EPHA4: variants seen among roughly 807,000 people sequenced by gnomAD.
EPHA4 encodes EPH receptor A4.
A neutral mutation model predicts 108.3 loss-of-function variants in EPHA4; 19 were observed. That is an observed-to-expected ratio of 0.18 (90% CI 0.12 to 0.26). EPHA4 has a LOEUF of 0.26. Among genes scored for constraint, EPHA4 ranks in the 10% least tolerant of loss-of-function variants. EPHA4 has a pLI of 1.00. For synonymous variants in EPHA4, 449 were observed against 455.5 expected (o/e 0.99, Z 0.18); for missense variants, 917 against 1,254.0 (o/e 0.73, Z 4.06).
intron 3 of EPHA4, among the ~76,000 whole-genome samples, chr2:221,516,631 G>A (rs1357083351): frequency 6.6e-6 from 1 of 152,106 alleles, no homozygotes; most frequent in Non-Finnish European, 1.5e-5. Flanking sequence ...GGATCACAGG[G>A]GTGAGCCACC....
At chr2:221,430,829 T>C (rs1690052538) in intron 14 of EPHA4, among the ~76,000 whole-genome samples, 1 of 152,196 alleles carries the variant, frequency 6.6e-6, no homozygotes, top group African/African-American at 2.4e-5. Context: ...AATTCCTTCT[T>C]TTGGGGCATT....
At chr2:221,473,368 T>C (rs1310179863) in intron 5 of EPHA4, among the ~76,000 whole-genome samples, 2 of 152,082 alleles carry the variant, frequency 1.3e-5, no homozygotes, top group Non-Finnish European at 2.9e-5. Flanking sequence ...GAAGAAAATA[T>C]ACAGGATACC....
At chr2:221,444,411 G>A (rs188128574) in intron 9 of EPHA4, among the ~76,000 whole-genome samples, 1 of 152,224 alleles carries the variant, frequency 6.6e-6, no homozygotes, top group Non-Finnish European at 1.5e-5. Context: ...TCCTGGAGCT[G>A]TTGGGGCACT....
intron 3 of EPHA4, among the ~76,000 whole-genome samples, chr2:221,529,126 ATAGTC>A (rs1693424104): frequency 6.6e-6 from 1 of 152,184 alleles, no homozygotes; most frequent in Admixed American, 6.5e-5. Flanking sequence ...CTTTACTGCA[ATAGTC>A]TATTCTTTCT....
intron 8 of EPHA4, among the ~76,000 whole-genome samples, chr2:221,449,279 T>C (rs181633415): frequency 3.2e-4 from 49 of 152,286 alleles, no homozygotes; most frequent in African/African-American, 1.2e-3. Flanking sequence ...TGTGGCCCAT[T>C]ATCATCCCAG....
Position 221,543,586 on chromosome 2 carries a change from G to A in EPHA4, c.823+20145C>T, listed in dbSNP as rs1404906969. Among the ~76,000 whole-genome samples, 3 of 152,172 alleles carry A rather than the reference G, an allele frequency of 2.0e-5. No homozygotes were observed. The East Asian group carries it at 5.8e-4, about 29-fold the overall frequency. ...TCAACATGGCTCTAAGCCATATTTAGTTACCTTACTAAGAAAGGCTTTCTA... is the reference window on the plus strand; with the variant it reads ...TCAACATGGCTCTAAGCCATATTTAATTACCTTACTAAGAAAGGCTTTCTA... On this transcript the variant is annotated intron_variant, in intron 3 of 17. Coordinates refer to ENST00000281821, the MANE Select transcript of EPHA4 (RefSeq NM_004438.5).
At position 221,425,911 on chromosome 2, in the gene EPHA4, T is replaced by A; in HGVS notation, c.*117A>T. The A allele has an allele frequency of 2.3e-6, 2 of 863,396 alleles. No individual in the cohort carries two copies. The highest frequency in any genetic ancestry group is 3.2e-5 in the South Asian group (2 of 62,242). The allele number at this position is 863,396 out of a possible 1,614,324, so 53.5% of individuals were successfully genotyped here. A position where few individuals can be genotyped will look rare whatever the true frequency, so the allele number is the denominator to read the frequency against. ...GCAACGCTGCAGATATTGTTTTTTT[T>A]TTTCATTTCTTTAATTTCAGAGGGC... On this transcript the variant is annotated 3_prime_UTR_variant, in exon 17 of 18. Transcript: ENST00000281821.
At chr2:221,443,229 C>T (rs369967467) in intron 10 of EPHA4, among the ~76,000 whole-genome samples, 8 of 151,690 alleles carry the variant, frequency 5.3e-5, no homozygotes, top group African/African-American at 1.7e-4. Flanking sequence ...AAAACCTACA[C>T]AAAATCTTAG....
At position 221,568,252 on chromosome 2, in the gene EPHA4, G is replaced by A. The variant is rs116419759; in HGVS notation, c.159+466C>T. 2.8e-3 allele frequency among the ~76,000 whole-genome samples: 425 copies of A among 152,304 alleles called. 5 individuals are homozygous for A. The highest frequency in any genetic ancestry group is 9.9e-3 in the African/African-American group (413 of 41,570). ...AACAGCAGCTGATTTAAGAGTGAGA[G>A]CAAGGTACAGAGCCTTCCTGCAGTT... On this transcript the variant is annotated intron_variant, in intron 2 of 17. Transcript: ENST00000281821.
At chr2:221,566,944 G>GGGAAGAGGA (rs1559297332) in intron 2 of EPHA4, among the ~76,000 whole-genome samples, 3 of 7,690 alleles carry the variant, frequency 3.9e-4, no homozygotes, top group Non-Finnish European at 2.6e-4. Context: ...GAAGGAGAAG[G>GGGAAGAGGA]AGAAGGAGAA....
intron 4 of EPHA4, among the ~76,000 whole-genome samples, chr2:221,498,975 G>A (rs1345728729): frequency 6.6e-6 from 1 of 151,398 alleles, no homozygotes. Flanking sequence ...ATTTTTAGTG[G>A]AGACGGAGTT....
intron 11 of EPHA4, among the ~76,000 whole-genome samples, chr2:221,441,921 C>A (rs563451462): frequency 6.6e-6 from 1 of 152,186 alleles, no homozygotes; most frequent in African/African-American, 2.4e-5. Flanking sequence ...GTGATTACAC[C>A]CAGCATCAGT....
At position 221,418,655 on chromosome 2, in the gene EPHA4, A is replaced by T. The variant is rs1278920894; in HGVS notation, c.*2717T>A. 1.3e-5 allele frequency: 2 copies of T among 152,512 alleles called. No homozygotes were observed. Among genetic ancestry groups the T allele is most frequent in the Non-Finnish European group, 2.9e-5 (2 of 68,046 alleles). 9.4% of individuals were successfully genotyped at this position (152,512 alleles called of 1,614,324 possible). A position where few individuals can be genotyped will look rare whatever the true frequency, so the allele number is the denominator to read the frequency against. On this transcript the variant is annotated 3_prime_UTR_variant, in exon 18 of 18. Transcript: ENST00000281821. The stretch of plus-strand genomic sequence containing the variant: ...ATTTCACTCGTAAGATTGCTAAAAA[A>T]TAACTTGGGGCCTGCATACACAAGG...
chr2:221,464,998 G>T lies in EPHA4; in HGVS notation c.1319-7008C>A, dbSNP rs889045690. ...ATGAAGTTCATTTATATTTAGATATGTAAGTATTCATATTTATTAAGCTTA... is the reference window on the plus strand; with the variant it reads ...ATGAAGTTCATTTATATTTAGATATTTAAGTATTCATATTTATTAAGCTTA... On this transcript the variant is annotated intron_variant, in intron 5 of 17. Transcript: ENST00000281821. 5.3e-5 allele frequency among the ~76,000 whole-genome samples: 8 copies of T among 152,222 alleles called. No individual in the cohort carries two copies. The East Asian group carries it at 9.6e-4, about 18-fold the overall frequency.
chr2:221,565,322 CATT>C (rs1233002722), intron 2 of EPHA4, among the ~76,000 whole-genome samples: 9 of 152,136 alleles, frequency 5.9e-5, no homozygotes, highest in Admixed American at 3.3e-4. Context: ...GTTTCACTGT[CATT>C]ATAGCTTTTA....
At chr2:221,516,859 A>G (rs1693004683) in intron 3 of EPHA4, among the ~76,000 whole-genome samples, 1 of 152,034 alleles carries the variant, frequency 6.6e-6, no homozygotes, top group African/African-American at 2.4e-5. Flanking sequence ...TTTTCCCCAA[A>G]TAAATCCACC....
chr2:221,440,142 G>A (rs542605060), intron 11 of EPHA4, among the ~76,000 whole-genome samples: 2 of 152,214 alleles, frequency 1.3e-5, no homozygotes, highest in African/African-American at 4.8e-5. Flanking sequence ...CAGTAGGCAG[G>A]GATGCAGTGG....
At chr2:221,505,428 C>A (rs529023104) in intron 3 of EPHA4, among the ~76,000 whole-genome samples, 3 of 151,984 alleles carry the variant, frequency 2.0e-5, no homozygotes, top group Admixed American at 6.6e-5. Flanking sequence ...TGGGTTCAAG[C>A]GATTCCCCTG....
intron 11 of EPHA4, chr2:221,437,336 TG>T: frequency 2.3e-6 from 1 of 438,370 alleles, no homozygotes; most frequent in Non-Finnish European, 4.1e-6. Context: ...GTTAAACCTT[TG>T]GGTGGCTTGT....
Sources: allele counts gnomAD v4.1 joint callset (sites outside exome capture counted in the v4.1 genomes callset), GRCh38; gene constraint gnomAD v4.1.1; transcripts MANE v1.5; gene names NCBI Gene and HGNC (gene_info 2026-07-23, HGNC 2026-07-21).